BRAT1: variants seen among roughly 807,000 people sequenced by gnomAD.
BRAT1 encodes the protein integrator complex assembly factor BRAT1.
A neutral mutation model predicts 70.6 loss-of-function variants in BRAT1; 74 were observed. That is an observed-to-expected ratio of 1.05 (90% CI 0.87 to 1.27). BRAT1 has a LOEUF of 1.27. Among genes scored for constraint, BRAT1 ranks in the 50% most tolerant of loss-of-function variants. The pLI is 0.00. For missense variants in BRAT1, 1,203 were observed against 1,098.2 expected, an observed-to-expected ratio of 1.10 and a Z score of -1.35; for synonymous variants, 615 against 517.1, an observed-to-expected ratio of 1.19 and a Z score of -2.57.
intron 3 of BRAT1, 59 bp from the exon 4 acceptor site, chr7:2,545,115 C>G: frequency 7.0e-7 from 1 of 1,438,804 alleles, no homozygotes; most frequent in Non-Finnish European, 9.2e-7. Context: ...CCTGTAATCC[C>G]AGCACTTTGG....
At chr7:2,546,499 C>A (rs758734598) in intron 3 of BRAT1, among the ~76,000 whole-genome samples, 1 of 151,834 alleles carries the variant, frequency 6.6e-6, no homozygotes, top group Non-Finnish European at 1.5e-5. Context: ...TTTGGGAGGC[C>A]GAGGCAGACG....
intron 2 of BRAT1, among the ~76,000 whole-genome samples, chr7:2,552,328 G>T (rs1435063791): frequency 1.3e-5 from 2 of 150,656 alleles, no homozygotes; most frequent in African/African-American, 2.4e-5. Flanking sequence ...ATGTTAGCCA[G>T]GCTGGTCTCC....
At chr7:2,552,102 ATATATTTTTTTT>A (rs1318178693) in intron 2 of BRAT1, among the ~76,000 whole-genome samples, 10 of 14,720 alleles carry the variant, frequency 6.8e-4, no homozygotes, top group African/African-American at 2.0e-3. Flanking sequence ...ATATATATAT[ATATATTTTTTTT>A]TTTTTTTTTT....
At position 2,543,619 on chromosome 7, in the gene BRAT1, C is replaced by A; in HGVS notation, c.774G>T (p.Ser258=). 2 of 1,529,124 alleles carry A rather than the reference C, an allele frequency of 1.3e-6. No homozygotes were observed. The highest frequency in any genetic ancestry group is 1.4e-5 in the African/African-American group (1 of 72,734). 94.7% of individuals were successfully genotyped at this position (1,529,124 alleles called of 1,614,324 possible). A position where few individuals can be genotyped will look rare whatever the true frequency, so the allele number is the denominator to read the frequency against. ...LERDPIPAAH[S]FVDLLLCVAR... ...CCACACAGAGAAGCAGGTCCACGAA[C>A]GAGTGTGCGGCGGGGATGGGGTCTC... The change falls in exon 5 of 14, where the codon TCG becomes TCT. Residue 258 remains serine, a synonymous_variant. Transcript: ENST00000340611. The surrounding 1 kb of genome is among the most constrained non-coding windows in gnomAD (Gnocchi z 5.5).
In BRAT1 at chr7:2,543,790, G is replaced by A. The variant is rs529393784; in HGVS notation, c.603C>T (p.His201=). The change falls in exon 5 of 14, where the codon CAC becomes CAT. Residue 201 remains histidine, a synonymous_variant. Coordinates refer to ENST00000340611, the MANE Select transcript of BRAT1 (RefSeq NM_152743.4). The surrounding 1 kb of genome is among the most constrained non-coding windows in gnomAD (Gnocchi z 5.5). The part of the protein sequence containing the change: ...WPACAQKIMD[H]VEESLCSAAT... ...CCGCGGAGCACAAGGACTCTTCAAC[G>A]TGATCCATGATCTTCTGGGCACACG... 1.4e-5 allele frequency: 22 copies of A among 1,612,780 alleles called. No individual in the cohort carries two copies. The highest frequency in any genetic ancestry group is 4.0e-5 in the African/African-American group (3 of 75,024).
chr7:2,549,815 G>A (rs573759556), intron 2 of BRAT1, among the ~76,000 whole-genome samples: 5 of 152,292 alleles, frequency 3.3e-5, no homozygotes, highest in South Asian at 4.1e-4. Context: ...AGAAGCTGAT[G>A]TAGCAACAGA....
chr7:2,554,677 G>A (rs951863246), intron 1 of BRAT1, among the ~76,000 whole-genome samples: 1 of 152,266 alleles, frequency 6.6e-6, no homozygotes, highest in African/African-American at 2.4e-5. Flanking sequence ...AGGGGCAGAT[G>A]AGGGTCTAGC....
In BRAT1 at chr7:2,543,632, G is replaced by A; in HGVS notation, c.761C>T (p.Pro254Leu). 6.5e-7 allele frequency: 1 copy of A among 1,538,558 alleles called. No individual in the cohort carries two copies. ...VACLLERDPI[P>L]AAHSFVDLLL... Reference sequence around the variant, plus strand: ...CAGGTCCACGAACGAGTGTGCGGCGGGGATGGGGTCTCTCTCCAGCAGACA... The same window carrying A: ...CAGGTCCACGAACGAGTGTGCGGCGAGGATGGGGTCTCTCTCCAGCAGACA... Residue 254 changes from proline to leucine, a missense_variant, in exon 5 of 14, where the codon CCC becomes CTC. Coordinates refer to ENST00000340611, the MANE Select transcript of BRAT1 (RefSeq NM_152743.4). The surrounding 1 kb of genome is among the most constrained non-coding windows in gnomAD (Gnocchi z 5.5).
At chr7:2,542,687 G>A (rs1384551255) in intron 6 of BRAT1, 1 of 184,986 alleles carries the variant, frequency 5.4e-6, no homozygotes, top group Non-Finnish European at 1.2e-5. Flanking sequence ...CTCAGAGCTG[G>A]ACCCTCATGG....
chr7:2,552,524 G>A (rs779506251), intron 2 of BRAT1, among the ~76,000 whole-genome samples: 12 of 150,932 alleles, frequency 8.0e-5, no homozygotes, highest in Non-Finnish European at 7.4e-5. Flanking sequence ...CCAGGAGATC[G>A]AAAACAGCTT....
chr7:2,539,438 C>T (rs528988369), intron 12 of BRAT1, 87 bp from the exon 13 acceptor site: 121 of 1,509,892 alleles, frequency 8.0e-5, no homozygotes, highest in African/African-American at 5.5e-5. Flanking sequence ...TGTGGGCAGC[C>T]GACATGGCCC....
At chr7:2,547,631 G>C (rs1779713052) in intron 2 of BRAT1, among the ~76,000 whole-genome samples, 153 bp from the exon 3 acceptor site, 2 of 152,118 alleles carry the variant, frequency 1.3e-5, no homozygotes, top group Admixed American at 1.3e-4. Context: ...CAACAAATAC[G>C]GCAAATGACT....
In BRAT1 at chr7:2,541,016, A is replaced by G. The variant is rs781440232; in HGVS notation, c.1358T>C (p.Leu453Pro). ...QELVTQALAV[L>P]LECLESPGSS... ...GCCGGGGCTCTCGAGGCACTCCAGG[A>G]GGACAGCAAGCGCCTGCGTCACCAG... The change falls in exon 10 of 14, where the codon CTC becomes CCC. Residue 453 changes from leucine (L) to proline (P), a missense_variant. Transcript: ENST00000340611. The G allele has an allele frequency of 1.3e-6, 2 of 1,563,918 alleles. No individual in the cohort carries two copies. The highest frequency in any genetic ancestry group is 1.4e-5 in the African/African-American group (1 of 71,300).
chr7:2,551,134 G>T (rs1418529505), intron 2 of BRAT1, among the ~76,000 whole-genome samples: 2 of 151,994 alleles, frequency 1.3e-5, no homozygotes, highest in African/African-American at 4.8e-5. Flanking sequence ...CAGGTACTCA[G>T]GAGGCTGAGG....
At chr7:2,540,103 C>G (rs1369382349) in intron 10 of BRAT1, 3 of 501,094 alleles carry the variant, frequency 6.0e-6, no homozygotes, top group Non-Finnish European at 1.1e-5. Context: ...ACTGCAGCCT[C>G]CACCTCCCAG....
In BRAT1 at chr7:2,544,899, G is replaced by A. The variant is rs748004693; in HGVS notation, c.430+10C>T. On this transcript the variant is annotated intron_variant, in intron 4 of 13. Transcript: ENST00000340611. ...GGATGAGGAATGGGGTGGGGTGTGG[G>A]CGCACTCACCATGGTCGGCCAGGAA... 26 of 1,548,796 alleles carry A rather than the reference G, an allele frequency of 1.7e-5. No homozygotes were observed. In the African/African-American group the frequency reaches 3.2e-4, roughly 19 times the overall value.
chr7:2,540,870 G>C lies in BRAT1; in HGVS notation c.1395+109C>G, dbSNP rs1017355009. The C allele has an allele frequency of 9.6e-6, 11 of 1,146,896 alleles. No individual in the cohort carries two copies. The South Asian group carries it at 2.2e-4, about 23-fold the overall frequency. The allele number at this position is 1,146,896 out of a possible 1,614,324, so 71.0% of individuals were successfully genotyped here. ...CTCTGAGCAGCAGCTCTGTGGCCCT[G>C]TGTGAAGGCCCCATCCGCAGAGGCC... On this transcript the variant is annotated intron_variant, in intron 10 of 13. Coordinates refer to ENST00000340611, the MANE Select transcript of BRAT1 (RefSeq NM_152743.4).
At chr7:2,546,676 A>C (rs1779629785) in intron 3 of BRAT1, among the ~76,000 whole-genome samples, 1 of 152,082 alleles carries the variant, frequency 6.6e-6, no homozygotes. Context: ...TGGAGACTGC[A>C]GTTAGCTGAG....
chr7:2,539,175 C>T lies in BRAT1; in HGVS notation c.1770+4G>A. ...TGCTGGCTGAGGAACCTGCCACCTC[C>T]TACCTGCCGGGCCTCTGCATGCTCA... On this transcript the variant is annotated splice_donor_region_variant and intron_variant, in intron 13 of 13. Coordinates refer to ENST00000340611, the MANE Select transcript of BRAT1 (RefSeq NM_152743.4). 4 of 1,592,236 alleles carry T rather than the reference C, an allele frequency of 2.5e-6. No homozygotes were observed. The highest frequency in any genetic ancestry group is 2.6e-6 in the Non-Finnish European group (3 of 1,166,660).
Sources: allele counts gnomAD v4.1 joint callset (sites outside exome capture counted in the v4.1 genomes callset), GRCh38; gene constraint gnomAD v4.1.1; non-coding constraint Gnocchi (gnomAD v3.1); transcripts MANE v1.5; gene names NCBI Gene and HGNC (gene_info 2026-07-23, HGNC 2026-07-21).